Variants in NRG1 observed in about 807,000 individuals in gnomAD.
NRG1 encodes neuregulin 1, also known as pro-neuregulin-1, membrane-bound isoform.
NRG1 carries 18 observed loss-of-function variants against 63.8 expected under a neutral mutation model. That is an observed-to-expected ratio of 0.28 (90% CI 0.19 to 0.42). The LOEUF is 0.42. NRG1 is among the 10% of genes least tolerant of loss of function. The probability of loss-of-function intolerance (pLI) is 1.00; values close to 1 mark genes in which losing one functional copy is unlikely to be tolerated. For missense variants in NRG1, 762 were observed against 814.7 expected, an observed-to-expected ratio of 0.94 and a Z score of 0.79; for synonymous variants, 302 against 301.3, an observed-to-expected ratio of 1.00 and a Z score of -0.02.
At chr8:32,340,387 A>G (rs1044857104) in intron 1 of NRG1, among the ~76,000 whole-genome samples, 4 of 152,124 alleles carry the variant, frequency 2.6e-5, no homozygotes, top group Admixed American at 2.6e-4. Context: ...AGAGGGCAAA[A>G]CAGCCTCCTG....
In NRG1 at chr8:31,971,582, TA is replaced by T. The variant is rs1426009760; in HGVS notation, c.37+332153del. ...TGAAACCATTCTGGAAAATGTAAGATAATGTGGTTTTCCTAACCAACAGTAG... is the reference window on the plus strand; with the variant it reads ...TGAAACCATTCTGGAAAATGTAAGATATGTGGTTTTCCTAACCAACAGTAG... On this transcript the variant is annotated intron_variant, in intron 1 of 10. Transcript: ENST00000519301. Among the ~76,000 whole-genome samples, 3 of 152,166 alleles carry T rather than the reference TA, an allele frequency of 2.0e-5. No homozygotes were observed. In the South Asian group the frequency reaches 6.2e-4, roughly 31 times the overall value.
chr8:32,135,620 C>A (rs1182068646), intron 1 of NRG1, among the ~76,000 whole-genome samples: 1 of 151,990 alleles, frequency 6.6e-6, no homozygotes, highest in Admixed American at 6.6e-5. Context: ...TATCAGGAGG[C>A]AAGATTACTT....
At chr8:31,861,689 G>GAGAC (rs1828488762) in intron 1 of NRG1, among the ~76,000 whole-genome samples, 1 of 152,118 alleles carries the variant, frequency 6.6e-6, no homozygotes, top group Non-Finnish European at 1.5e-5. Flanking sequence ...TGAGGACTTT[G>GAGAC]AGACCCTAGG....
At chr8:32,758,259 C>T (rs1830023956) in intron 9 of NRG1, among the ~76,000 whole-genome samples, 1 of 152,006 alleles carries the variant, frequency 6.6e-6, no homozygotes, top group Non-Finnish European at 1.5e-5. Context: ...ACAGTAAAAA[C>T]TACTGTGGTT....
chr8:32,507,355 C>T (rs1828657092), intron 1 of NRG1, among the ~76,000 whole-genome samples: 1 of 152,020 alleles, frequency 6.6e-6, no homozygotes, highest in Non-Finnish European at 1.5e-5. Flanking sequence ...GAGACAATGT[C>T]CAAAGAAGAG....
At chr8:31,993,271 C>T (rs942275944) in intron 1 of NRG1, among the ~76,000 whole-genome samples, 1 of 151,946 alleles carries the variant, frequency 6.6e-6, no homozygotes, top group Non-Finnish European at 1.5e-5. Context: ...CCAAAGGCAT[C>T]CTACACAGCC....
chr8:31,890,204 T>A (rs915967515), intron 1 of NRG1, among the ~76,000 whole-genome samples: 6 of 152,092 alleles, frequency 3.9e-5, no homozygotes, highest in African/African-American at 1.2e-4. Context: ...AAACCAGCAC[T>A]AGCTAAGAAC....
chr8:32,271,382 G>A (rs144788463), intron 1 of NRG1, among the ~76,000 whole-genome samples: 114 of 152,232 alleles, frequency 7.5e-4, no homozygotes, highest in African/African-American at 2.6e-3. Context: ...AAAGATGTGG[G>A]GATTCAGAGA....
intron 5 of NRG1, among the ~76,000 whole-genome samples, chr8:32,641,380 C>A (rs971168020): frequency 9.9e-5 from 15 of 152,056 alleles, no homozygotes; most frequent in African/African-American, 3.6e-4. Flanking sequence ...TGTTGTGCAA[C>A]CACCCCTTCC....
At chr8:31,985,942 A>G (rs1233512644) in intron 1 of NRG1, among the ~76,000 whole-genome samples, 1 of 152,092 alleles carries the variant, frequency 6.6e-6, no homozygotes, top group African/African-American at 2.4e-5. Flanking sequence ...TGTAACCTTC[A>G]GGGGGAAATG....
chr8:31,947,306 CAAAAAA>C (rs61713691), intron 1 of NRG1, among the ~76,000 whole-genome samples: 5 of 132,718 alleles, frequency 3.8e-5, no homozygotes, highest in East Asian at 3.2e-4. Flanking sequence ...GACTCCGTCT[CAAAAAA>C]AAAAAAAAAA....
chr8:31,754,882 G>A (rs1816815383), intron 1 of NRG1, among the ~76,000 whole-genome samples: 1 of 152,050 alleles, frequency 6.6e-6, no homozygotes, highest in South Asian at 2.1e-4. Context: ...TTTATTGAAT[G>A]TCTGCCATTT....
At chr8:32,245,550 T>A (rs1848517711) in intron 1 of NRG1, among the ~76,000 whole-genome samples, 2 of 152,190 alleles carry the variant, frequency 1.3e-5, no homozygotes, top group Non-Finnish European at 2.9e-5. Flanking sequence ...GGCTAAGAGA[T>A]AATTATGTCT....
rs545398357 is a variant in NRG1 at position 31,997,847 on chromosome 8, A to G, written c.37+358416A>G. Among the ~76,000 whole-genome samples, 30 of 152,142 alleles carry G rather than the reference A, an allele frequency of 2.0e-4. No individual in the cohort carries two copies. In the South Asian group the frequency reaches 6.2e-3, roughly 32 times the overall value. On this transcript the variant is annotated intron_variant, in intron 1 of 10. Transcript: ENST00000519301. ...CTAATTCAATCCTTGCAACCCATGT[A>G]TGATAGGTAATATTATTATCTCCAT... is the stretch of plus-strand genomic sequence containing the variant.
chr8:32,445,479 A>G (rs1040152611), intron 1 of NRG1, among the ~76,000 whole-genome samples: 6 of 152,144 alleles, frequency 3.9e-5, no homozygotes, highest in Non-Finnish European at 7.3e-5. Flanking sequence ...ATTTCTTGAG[A>G]TTATTGAACC....
chr8:31,957,025 C>T (rs557054946), intron 1 of NRG1, among the ~76,000 whole-genome samples: 1 of 152,020 alleles, frequency 6.6e-6, no homozygotes, highest in Non-Finnish European at 1.5e-5. Context: ...AAAAAAAACC[C>T]CTAGGTTTCT....
chr8:31,667,849 G>A (rs770483374), intron 1 of NRG1, among the ~76,000 whole-genome samples: 24 of 152,250 alleles, frequency 1.6e-4, no homozygotes, highest in Middle Eastern at 3.4e-3. Flanking sequence ...GCAAATTTCC[G>A]AAGATTGGAA....
intron 1 of NRG1, among the ~76,000 whole-genome samples, chr8:32,476,054 G>C (rs1878918): frequency 0.5 from 76,080 of 151,976 alleles, 19,524 homozygotes; most frequent in Non-Finnish European, 0.52. Context: ...CTGCAGGGTA[G>C]AGAAAGTATT....
At chr8:32,737,253 G>C (rs1010803873) in intron 6 of NRG1, among the ~76,000 whole-genome samples, 1 of 152,096 alleles carries the variant, frequency 6.6e-6, no homozygotes, top group Non-Finnish European at 1.5e-5. Context: ...GGGAATTTCT[G>C]TAAAAATTAT....
Sources: allele counts gnomAD v4.1 joint callset (sites outside exome capture counted in the v4.1 genomes callset), GRCh38; gene constraint gnomAD v4.1.1; transcripts MANE v1.5; gene names NCBI Gene and HGNC (gene_info 2026-07-23, HGNC 2026-07-21).